UGGT2: variants seen among roughly 807,000 people sequenced by gnomAD.
UGGT2 encodes UDP-glucose glycoprotein glucosyltransferase 2.
In UGGT2, 180 loss-of-function variants were observed where a neutral mutation model predicts 192.1. The ratio of observed to expected loss-of-function variants is 0.94; its 90% CI spans 0.83 to 1.06. The LOEUF (loss-of-function observed/expected upper bound fraction) is 1.06. Ranked by LOEUF, UGGT2 falls within the 50% of genes least tolerant of loss-of-function variation. UGGT2 has a pLI of 0.00. For missense variants in UGGT2, 1,849 were observed against 1,795.7 expected, an observed-to-expected ratio of 1.03 and a Z score of -0.54; for synonymous variants, 580 against 591.0, an observed-to-expected ratio of 0.98 and a Z score of 0.27.
chr13:95,827,328 G>A (rs1222612441), intron 38 of UGGT2, among the ~76,000 whole-genome samples: 1 of 152,148 alleles, frequency 6.6e-6, no homozygotes, highest in Non-Finnish European at 1.5e-5. Context: ...GATCTTTACA[G>A]AGGAAATCAA....
chr13:95,836,873 T>G (rs1211488912), intron 37 of UGGT2, among the ~76,000 whole-genome samples: 1 of 152,228 alleles, frequency 6.6e-6, no homozygotes, highest in Non-Finnish European at 1.5e-5. Flanking sequence ...TTGCATCTCA[T>G]GAATCTCCTT....
intron 17 of UGGT2, 69 bp from the exon 18 acceptor site, chr13:95,927,405 T>A: frequency 7.5e-7 from 1 of 1,329,398 alleles, no homozygotes; most frequent in Non-Finnish European, 1.0e-6. Flanking sequence ...AGTATGCAGA[T>A]AACACAAAGA....
intron 1 of UGGT2, among the ~76,000 whole-genome samples, chr13:96,047,822 C>G (rs2053363026): frequency 6.6e-6 from 1 of 152,096 alleles, no homozygotes; most frequent in African/African-American, 2.4e-5. Context: ...ACAGGAGCAA[C>G]TAGATTCATA....
Position 95,950,101 on chromosome 13 carries a change from C to T in UGGT2, c.1336-647G>A, listed in dbSNP as rs368689382. On this transcript the variant is annotated intron_variant, in intron 12 of 38. Transcript: ENST00000376747. ...GAGTTGGAAAGCAGAAGTCAAAGTA[C>T]GGGCTGCCAAAGTGCTGAGATTTGA... Among the ~76,000 whole-genome samples the T allele has an allele frequency of 2.6e-3, 392 of 152,144 alleles. 4 individuals are homozygous for T. The highest frequency in any genetic ancestry group is 9.1e-3 in the African/African-American group (378 of 41,510).
At chr13:96,037,814 C>T (rs2053049195) in intron 1 of UGGT2, among the ~76,000 whole-genome samples, 1 of 152,170 alleles carries the variant, frequency 6.6e-6, no homozygotes, top group Admixed American at 6.5e-5. Context: ...CTTTGCTTTT[C>T]CTACAATTTT....
intron 12 of UGGT2, among the ~76,000 whole-genome samples, chr13:95,957,826 A>G (rs1474717984): frequency 6.6e-6 from 1 of 152,234 alleles, no homozygotes; most frequent in Non-Finnish European, 1.5e-5. Context: ...TACAAAAGCT[A>G]AAAAGCACAA....
At chr13:96,049,963 A>G (rs1010923180) in intron 1 of UGGT2, among the ~76,000 whole-genome samples, 6 of 152,252 alleles carry the variant, frequency 3.9e-5, no homozygotes, top group South Asian at 2.1e-4. Flanking sequence ...TTTCTTCACA[A>G]AATTGGAAAA....
At chr13:95,935,051 GGTTTT>G (rs141684721) in intron 17 of UGGT2, among the ~76,000 whole-genome samples, 152 of 152,118 alleles carry the variant, frequency 1.0e-3, no homozygotes, top group African/African-American at 3.2e-3. Context: ...AGCAACTCCT[GGTTTT>G]GTTTTGTTTT....
chr13:95,932,607 C>G (rs2049326476), intron 17 of UGGT2, among the ~76,000 whole-genome samples: 1 of 152,094 alleles, frequency 6.6e-6, no homozygotes, highest in Admixed American at 6.5e-5. Flanking sequence ...CCTGATTGCT[C>G]TAAGACTTCC....
At chr13:95,987,552 TA>T (rs1566797623) in intron 8 of UGGT2, among the ~76,000 whole-genome samples, 1 of 151,900 alleles carries the variant, frequency 6.6e-6, no homozygotes, top group Non-Finnish European at 1.5e-5. Context: ...AATAGAGACA[TA>T]AAAAAGGATC....
chr13:96,033,219 T>A (rs2052892136), intron 1 of UGGT2, among the ~76,000 whole-genome samples: 1 of 152,176 alleles, frequency 6.6e-6, no homozygotes, highest in African/African-American at 2.4e-5. Flanking sequence ...CTGCCCAAAG[T>A]AATTTATAGA....
intron 4 of UGGT2, 25 bp downstream of exon 4, chr13:96,023,015 T>C (rs1451478144): frequency 7.9e-6 from 12 of 1,528,298 alleles, no homozygotes; most frequent in Non-Finnish European, 1.1e-5. Context: ...ACCACTTCTT[T>C]CATTATAGGC....
intron 22 of UGGT2, among the ~76,000 whole-genome samples, chr13:95,900,370 AT>A (rs1426952642): frequency 6.6e-6 from 1 of 152,166 alleles, no homozygotes; most frequent in Non-Finnish European, 1.5e-5. Context: ...CTACATGGCA[AT>A]TTATACTACT....
At chr13:95,922,854 C>CA (rs1305105845) in intron 20 of UGGT2, among the ~76,000 whole-genome samples, 33 of 151,986 alleles carry the variant, frequency 2.2e-4, no homozygotes, top group African/African-American at 7.2e-4. Context: ...CAAAACAAAA[C>CA]AAAAAAATTT....
At chr13:95,995,894 G>T in intron 7 of UGGT2, 169 bp downstream of exon 7, 1 of 598,038 alleles carries the variant, frequency 1.7e-6, no homozygotes, top group Non-Finnish European at 2.9e-6. Flanking sequence ...GTAGCTTTTT[G>T]ACATTAGCCA....
intron 5 of UGGT2, among the ~76,000 whole-genome samples, chr13:96,004,825 TG>T (rs1190857752): frequency 3.3e-5 from 5 of 152,290 alleles, no homozygotes; most frequent in African/African-American, 1.2e-4. Context: ...CACCTAGTTA[TG>T]ACCTCCTCTC....
chr13:95,860,742 T>C lies in UGGT2; in HGVS notation c.3740+46A>G, dbSNP rs143395315. 898 of 1,254,052 alleles carry C rather than the reference T, an allele frequency of 7.2e-4. 7 individuals are homozygous for C. In the African/African-American group the frequency reaches 0.013, roughly 18 times the overall value. 77.7% of individuals were successfully genotyped at this position (1,254,052 alleles called of 1,614,324 possible). ...TTATTTTTTTTTGAAATTTGAACCA[T>C]GTAAATATTTCTTTTTCAAAATATA... On this transcript the variant is annotated intron_variant, in intron 32 of 38. Transcript: ENST00000376747.
intron 20 of UGGT2, among the ~76,000 whole-genome samples, chr13:95,914,708 G>A (rs2048625324): frequency 1.3e-5 from 2 of 150,340 alleles, no homozygotes; most frequent in South Asian, 4.2e-4. Context: ...GCTGAGGCAG[G>A]AGAATCACTT....
chr13:95,884,615 G>C lies in UGGT2; in HGVS notation c.3104C>G (p.Pro1035Arg), dbSNP rs745449269. ...AGGAATATCCAAAAATTTTGCCACT[G>C]GTCCAAGAGAAGAAACGTCATTAGC... ...SGANDVSSLG[P>R]VAKFLDIPES... Residue 1035 changes from proline to arginine, a missense_variant, in exon 27 of 39, where the codon CCA becomes CGA. Coordinates refer to ENST00000376747, the MANE Select transcript of UGGT2 (RefSeq NM_020121.4). 1.4e-5 allele frequency: 22 copies of C among 1,613,874 alleles called. No individual in the cohort carries two copies. Among genetic ancestry groups the C allele is most frequent in the Non-Finnish European group, 1.9e-5 (22 of 1,179,882 alleles).
Sources: allele counts gnomAD v4.1 joint callset (sites outside exome capture counted in the v4.1 genomes callset), GRCh38; gene constraint gnomAD v4.1.1; transcripts MANE v1.5; gene names NCBI Gene and HGNC (gene_info 2026-07-23, HGNC 2026-07-21).